BAIAP2: variants seen among roughly 807,000 people sequenced by gnomAD.
The protein encoded by BAIAP2 is BAR/IMD domain-containing adapter protein 2.
BAIAP2 carries 18 observed loss-of-function variants against 63.0 expected under a neutral mutation model. The observed-to-expected ratio is 0.29, with a 90% CI of 0.20 to 0.42. The LOEUF (loss-of-function observed/expected upper bound fraction) is 0.42, where lower values mean the gene tolerates loss of function less well. Ranked by LOEUF, BAIAP2 falls within the 10% of genes least tolerant of loss-of-function variation. BAIAP2 has a pLI of 1.00. For missense variants in BAIAP2, 610 were observed against 734.3 expected (o/e 0.83, Z 1.96); for synonymous variants, 386 against 307.6 (o/e 1.25, Z -2.67).
intron 11 of BAIAP2, 127 bp from the exon 12 acceptor site, chr17:81,106,618 G>A (rs1209109407): frequency 1.8e-6 from 2 of 1,128,424 alleles, no homozygotes; most frequent in East Asian, 2.5e-5. Context: ...TGCCGCCTTG[G>A]CCTGAGAGCA....
intron 3 of BAIAP2, among the ~76,000 whole-genome samples, chr17:81,080,043 C>G (rs147871255): frequency 7.2e-5 from 11 of 152,320 alleles, no homozygotes; most frequent in Non-Finnish European, 1.5e-4. Context: ...TCTTCAGGCC[C>G]CTGAAGGACA....
At chr17:81,079,011 G>T (rs1196170018) in intron 3 of BAIAP2, among the ~76,000 whole-genome samples, 1 of 152,186 alleles carries the variant, frequency 6.6e-6, no homozygotes, top group African/African-American at 2.4e-5. Context: ...GAGGGCAGTT[G>T]TGGGGTCTCA....
At chr17:81,085,366 C>A in intron 4 of BAIAP2, 1 of 596,418 alleles carries the variant, frequency 1.7e-6, no homozygotes, top group South Asian at 1.8e-5. Context: ...CGCAGTGATC[C>A]CCAGCATGGG....
At chr17:81,084,518 T>G (rs1441029881) in intron 3 of BAIAP2, among the ~76,000 whole-genome samples, 1 of 149,012 alleles carries the variant, frequency 6.7e-6, no homozygotes, top group Non-Finnish European at 1.5e-5. Flanking sequence ...TTGCGCTCAC[T>G]GTCACTCACT....
At chr17:81,036,145 C>T (rs976400400) in intron 1 of BAIAP2, 2 of 150,384 alleles carry the variant, frequency 1.3e-5, no homozygotes, top group African/African-American at 4.9e-5. Context: ...TACCGACAAA[C>T]AGGCCCTTGG....
chr17:81,108,995 G>A (rs1461001042), intron 13 of BAIAP2: 4 of 1,547,702 alleles, frequency 2.6e-6, no homozygotes, highest in Admixed American at 2.0e-5. Context: ...TGTCCACAGT[G>A]TGAGGACGCT....
chr17:81,059,892 T>C (rs914917842), intron 3 of BAIAP2, among the ~76,000 whole-genome samples: 7 of 151,832 alleles, frequency 4.6e-5, no homozygotes, highest in Admixed American at 3.9e-4. Context: ...GGTGGGTGGG[T>C]CCGAAATGGG....
intron 1 of BAIAP2, among the ~76,000 whole-genome samples, chr17:81,036,557 G>C (rs1185292353): frequency 6.6e-6 from 1 of 152,238 alleles, no homozygotes; most frequent in African/African-American, 2.4e-5. Flanking sequence ...GATTGCACTT[G>C]AATACAGCTT....
intron 6 of BAIAP2, among the ~76,000 whole-genome samples, chr17:81,090,309 G>A (rs921728622): frequency 2.0e-5 from 3 of 152,186 alleles, no homozygotes; most frequent in Non-Finnish European, 2.9e-5. Flanking sequence ...AGGATGAGCC[G>A]ACATCAACCT....
intron 1 of BAIAP2, among the ~76,000 whole-genome samples, chr17:81,048,415 C>G (rs1053979409): frequency 8.0e-5 from 12 of 150,848 alleles, no homozygotes; most frequent in African/African-American, 2.9e-4. Context: ...GACCCCAGCA[C>G]GGCCCAGGAG....
At chr17:81,082,755 C>T (rs980704918) in intron 3 of BAIAP2, among the ~76,000 whole-genome samples, 1 of 152,218 alleles carries the variant, frequency 6.6e-6, no homozygotes, top group Non-Finnish European at 1.5e-5. Flanking sequence ...ACTTGGGAGT[C>T]TGGGTGGCCA....
chr17:81,047,020 G>GC (rs2047912759), intron 1 of BAIAP2, among the ~76,000 whole-genome samples: 1 of 152,114 alleles, frequency 6.6e-6, no homozygotes, highest in Non-Finnish European at 1.5e-5. Flanking sequence ...CAGCGGCCTG[G>GC]CCCCTCAGGA....
At position 81,035,169 on chromosome 17, in the gene BAIAP2, C is replaced by G; in HGVS notation, c.-86C>G. ...GGGCTCTGTGGTTCGGGTCCGCTTT[C>G]GTCTCCGTCCTGCTGCCGTTACCGC... On this transcript the variant is annotated 5_prime_UTR_variant, in exon 1 of 14. Coordinates refer to ENST00000428708, the MANE Select transcript of BAIAP2 (RefSeq NM_001144888.2). 8.6e-7 allele frequency: 1 copy of G among 1,165,356 alleles called. No individual in the cohort carries two copies. The allele number at this position is 1,165,356 out of a possible 1,614,324, so 72.2% of individuals were successfully genotyped here.
intron 10 of BAIAP2, 63 bp downstream of exon 10, chr17:81,104,778 G>T: frequency 6.8e-7 from 1 of 1,470,802 alleles, no homozygotes; most frequent in South Asian, 1.2e-5. Context: ...GTGGGGCAGC[G>T]ACACTCAAGT....
intron 1 of BAIAP2, among the ~76,000 whole-genome samples, chr17:81,050,517 C>T (rs1010226889): frequency 1.3e-5 from 2 of 152,192 alleles, no homozygotes; most frequent in Non-Finnish European, 2.9e-5. Context: ...TCCTGCTGCT[C>T]AGGATGTTAG....
chr17:81,057,978 C>CCCT lies in BAIAP2; in HGVS notation c.217+13_217+14insTCC, dbSNP rs1568089727. On this transcript the variant is annotated intron_variant, in intron 3 of 13. Coordinates refer to ENST00000428708, the MANE Select transcript of BAIAP2 (RefSeq NM_001144888.2). ...GCTCCAAAGAACTCGGTGAGACCCC[C>CCCT]CCCCCCCCCCCGCCTGGTAGTCGCC... 1.6e-5 allele frequency: 12 copies of CCCT among 762,746 alleles called. 1 individual carries two copies. Among genetic ancestry groups the CCCT allele is most frequent in the Non-Finnish European group, 1.9e-5 (11 of 568,242 alleles). The allele number at this position is 762,746 out of a possible 1,614,324, so 47.2% of individuals were successfully genotyped here.
At chr17:81,087,095 C>G (rs564983009) in intron 6 of BAIAP2, 309 of 156,080 alleles carry the variant, frequency 2.0e-3, no homozygotes, top group Non-Finnish European at 3.3e-3. Context: ...GTGTGTACAC[C>G]AGAACCTGGA....
intron 13 of BAIAP2, chr17:81,110,388 A>C: frequency 1.0e-6 from 1 of 987,546 alleles, no homozygotes; most frequent in Non-Finnish European, 1.2e-6. Flanking sequence ...ACAAAACAGC[A>C]ACACTTGTAT....
At chr17:81,100,205 A>G (rs1372303623) in intron 7 of BAIAP2, 125 bp downstream of exon 7, 2 of 1,311,370 alleles carry the variant, frequency 1.5e-6, no homozygotes, top group Non-Finnish European at 2.0e-6. Flanking sequence ...ACTCTCGTTT[A>G]TTTCGGGTTT....
Sources: allele counts gnomAD v4.1 joint callset (sites outside exome capture counted in the v4.1 genomes callset), GRCh38; gene constraint gnomAD v4.1.1; transcripts MANE v1.5; gene names NCBI Gene and HGNC (gene_info 2026-07-23, HGNC 2026-07-21).